PDGFC: variants seen among roughly 807,000 people sequenced by gnomAD.
PDGFC encodes the protein platelet-derived growth factor C.
PDGFC carries 12 observed loss-of-function variants against 35.5 expected under a neutral mutation model. The ratio of observed to expected loss-of-function variants is 0.34; its 90% CI spans 0.22 to 0.55. PDGFC has a LOEUF of 0.55. Among genes scored for constraint, PDGFC ranks in the 20% least tolerant of loss-of-function variants. The probability of loss-of-function intolerance (pLI) is 0.91; values close to 1 mark genes in which losing one functional copy is unlikely to be tolerated. For synonymous variants in PDGFC, 159 were observed against 148.8 expected (o/e 1.07, Z -0.50); for missense variants, 322 against 412.4 (o/e 0.78, Z 1.90).
At chr4:156,765,677 C>A (rs776130293) in intron 5 of PDGFC, among the ~76,000 whole-genome samples, 1 of 151,936 alleles carries the variant, frequency 6.6e-6, no homozygotes, top group Non-Finnish European at 1.5e-5. Context: ...AATTATTAAG[C>A]CAAGTAAGAA....
At chr4:156,945,663 G>A (rs1454705609) in intron 1 of PDGFC, among the ~76,000 whole-genome samples, 1 of 151,786 alleles carries the variant, frequency 6.6e-6, no homozygotes, top group Non-Finnish European at 1.5e-5. Context: ...GAAATTGCAG[G>A]AGCGATTGGC....
At chr4:156,855,946 G>C (rs1729569829) in intron 1 of PDGFC, among the ~76,000 whole-genome samples, 1 of 151,970 alleles carries the variant, frequency 6.6e-6, no homozygotes, top group African/African-American at 2.4e-5. Flanking sequence ...GTAGAGAGAA[G>C]GTATACTTGA....
chr4:156,804,091 G>GA (rs1398703498), intron 3 of PDGFC, among the ~76,000 whole-genome samples: 7 of 113,988 alleles, frequency 6.1e-5, no homozygotes, highest in African/African-American at 3.9e-4. Context: ...TTGTAACCCT[G>GA]AAAAATACAC....
chr4:156,855,074 A>G (rs1028219939), intron 1 of PDGFC, among the ~76,000 whole-genome samples: 1 of 152,140 alleles, frequency 6.6e-6, no homozygotes, highest in Non-Finnish European at 1.5e-5. Flanking sequence ...TAAATACTGT[A>G]AAACTGTTGA....
At chr4:156,871,051 A>G (rs28662085) in intron 1 of PDGFC, among the ~76,000 whole-genome samples, 11,253 of 152,116 alleles carry the variant, frequency 0.074, 1,387 homozygotes, top group African/African-American at 0.26. Context: ...AGCTTTTTAT[A>G]TAGAGTCTGG....
At chr4:156,825,500 T>C (rs1732420572) in intron 2 of PDGFC, among the ~76,000 whole-genome samples, 1 of 148,882 alleles carries the variant, frequency 6.7e-6, no homozygotes, top group Admixed American at 6.8e-5. Context: ...CAGTGAGCCA[T>C]GATCTCACCA....
intron 3 of PDGFC, among the ~76,000 whole-genome samples, chr4:156,804,334 T>G (rs190762072): frequency 6.6e-6 from 1 of 152,040 alleles, no homozygotes; most frequent in Admixed American, 6.6e-5. Flanking sequence ...ACACAGATAA[T>G]TGAGTATCAC....
intron 3 of PDGFC, among the ~76,000 whole-genome samples, chr4:156,785,195 T>C (rs928877591): frequency 1.3e-5 from 2 of 152,174 alleles, no homozygotes; most frequent in African/African-American, 4.8e-5. Context: ...AAGATCTTAC[T>C]GTTCTGAATT....
At chr4:156,950,813 A>G (rs1390328018) in intron 1 of PDGFC, among the ~76,000 whole-genome samples, 1 of 151,884 alleles carries the variant, frequency 6.6e-6, no homozygotes, top group African/African-American at 2.4e-5. Flanking sequence ...TATGAAATAA[A>G]TAAGAAAAAA....
intron 1 of PDGFC, among the ~76,000 whole-genome samples, chr4:156,957,055 A>T (rs1015599669): frequency 2.0e-5 from 3 of 151,802 alleles, no homozygotes; most frequent in Non-Finnish European, 4.4e-5. Flanking sequence ...CTTCCTCCAA[A>T]ACTTAGTACC....
At chr4:156,767,213 G>A (rs1730563083) in intron 5 of PDGFC, among the ~76,000 whole-genome samples, 1 of 151,986 alleles carries the variant, frequency 6.6e-6, no homozygotes, top group Non-Finnish European at 1.5e-5. Flanking sequence ...TTACTAACAT[G>A]TCATATTATA....
At chr4:156,908,210 A>G (rs943300639) in intron 1 of PDGFC, among the ~76,000 whole-genome samples, 2 of 152,158 alleles carry the variant, frequency 1.3e-5, no homozygotes, top group African/African-American at 4.8e-5. Context: ...TCATTTAACA[A>G]AACAAAGCTT....
chr4:156,952,552 C>T (rs543001325), intron 1 of PDGFC, among the ~76,000 whole-genome samples: 2 of 151,906 alleles, frequency 1.3e-5, no homozygotes, highest in Admixed American at 6.6e-5. Context: ...AGAGCTAAGT[C>T]ACACACAAAA....
At chr4:156,843,552 A>G (rs1272865134) in intron 2 of PDGFC, among the ~76,000 whole-genome samples, 1 of 152,162 alleles carries the variant, frequency 6.6e-6, no homozygotes, top group East Asian at 1.9e-4. Flanking sequence ...AGCATCTTCC[A>G]CAACACCGGG....
rs766170502 is a variant in PDGFC at position 156,970,839 on chromosome 4, G to A, written c.65C>T (p.Ala22Val). Residue 22 changes from alanine to valine, a missense_variant, in exon 1 of 6, where the codon GCG becomes GTG. By Grantham distance (64) the Ala-to-Val change is moderately conservative (BLOSUM62 0). This residue lies in a region of PDGFC where 120 missense variants were observed against 116.6 expected (regional missense o/e 1.03). Transcript: ENST00000502773. ...GAATTTACTACTCAGGTTGGATTCC[G>A]CCTGAGTCCCCTGTCTCTGGCCGGC... ...ALAGQRQGTQAESNLSSKFQF... is the reference protein window; with the variant it reads ...ALAGQRQGTQVESNLSSKFQF... The A allele has an allele frequency of 5.3e-5, 86 of 1,613,776 alleles. No homozygotes were observed. The highest frequency in any genetic ancestry group is 6.9e-5 in the Non-Finnish European group (81 of 1,179,784).
chr4:156,767,664 C>T, intron 5 of PDGFC, 109 bp downstream of exon 5: 1 of 676,676 alleles, frequency 1.5e-6, no homozygotes, highest in Non-Finnish European at 2.6e-6. Context: ...CTTTTTTTTC[C>T]CCATGAATAC....
chr4:156,833,697 A>G (rs1728997933), intron 2 of PDGFC, among the ~76,000 whole-genome samples: 1 of 152,244 alleles, frequency 6.6e-6, no homozygotes, highest in Admixed American at 6.5e-5. Flanking sequence ...TTATTCTTAT[A>G]TAATAGCATA....
At chr4:156,919,080 G>C (rs988990926) in intron 1 of PDGFC, among the ~76,000 whole-genome samples, 8 of 152,010 alleles carry the variant, frequency 5.3e-5, no homozygotes, top group Admixed American at 4.6e-4. Context: ...ACTTCTTTCC[G>C]AATACATATT....
Position 156,921,740 on chromosome 4 carries a change from T to C in PDGFC, c.118+49046A>G, listed in dbSNP as rs1028484791. On this transcript the variant is annotated intron_variant, in intron 1 of 5. Transcript: ENST00000502773. ...GTTCATCTAGGTAAATCCCCTCCAT[T>C]GTATAAACGAAGAAAAGTGATGTCC... 2.0e-5 allele frequency among the ~76,000 whole-genome samples: 3 copies of C among 152,128 alleles called. No individual in the cohort carries two copies. The East Asian group carries it at 5.8e-4, about 29-fold the overall frequency.
Sources: gnomAD v4.1 joint callset for allele counts (sites outside exome capture counted in the v4.1 genomes callset) on GRCh38, gnomAD v4.1.1 for gene constraint, gnomAD v4.1.1 regional missense constraint, MANE v1.5 for transcripts, NCBI Gene and HGNC (gene_info 2026-07-23, HGNC 2026-07-21) for gene names.